ADRA1D: variants seen among roughly 807,000 people sequenced by gnomAD.
The protein encoded by ADRA1D is adrenoceptor alpha 1D.
A neutral mutation model predicts 18.6 loss-of-function variants in ADRA1D; 22 were observed. That is an observed-to-expected ratio of 1.19 (90% CI 0.85 to 1.69). The LOEUF (loss-of-function observed/expected upper bound fraction) is 1.69. Among genes scored for constraint, ADRA1D ranks in the 40% most tolerant of loss-of-function variants. The pLI, the probability that ADRA1D is intolerant of heterozygous loss-of-function variation, is 0.00. For synonymous variants in ADRA1D, 376 were observed against 388.2 expected, an observed-to-expected ratio of 0.97 and a Z score of 0.37; for missense variants, 840 against 840.7, an observed-to-expected ratio of 1.00 and a Z score of 0.01.
chr20:4,248,889 G>C lies in ADRA1D; in HGVS notation c.69C>G (p.Ser23=). The C allele has an allele frequency of 8.4e-7, 1 of 1,189,890 alleles. No homozygotes were observed. The allele number at this position is 1,189,890 out of a possible 1,614,324, so 73.7% of individuals were successfully genotyped here. The change falls in exon 1 of 2, where the codon TCC becomes TCG. Residue 23 remains serine (S), a synonymous_variant. Transcript: ENST00000379453. The part of the protein sequence containing the change: ...GPRPDSSAGG[S]SAGGGGGSAG... ...CGCTGCCCCCGCCGCCGCCCGCGCT[G>C]GAGCCCCCTGCGCTGCTGTCCGGGC...
rs835875 is a variant in ADRA1D, at chr20:4,222,579, C to T, written c.1112-449G>A. ...TGAAGATAAAATAGGATAGAACATA[C>T]GCCCCCGCCTCCCTGCCACATCTCC... On this transcript the variant is annotated intron_variant, in intron 1 of 1. Coordinates refer to ENST00000379453, the MANE Select transcript of ADRA1D (RefSeq NM_000678.4). The surrounding 1 kb of genome is among the most constrained non-coding windows in gnomAD (Gnocchi z 4.3). Among the ~76,000 whole-genome samples, 74,307 of 151,518 alleles carry T rather than the reference C, an allele frequency of 0.49. 18,335 individuals carry two copies. The highest frequency in any genetic ancestry group is 0.65 in the East Asian group (3,348 of 5,114).
At chr20:4,228,203 T>C (rs1457319586) in intron 1 of ADRA1D, among the ~76,000 whole-genome samples, 1 of 152,154 alleles carries the variant, frequency 6.6e-6, no homozygotes, top group Non-Finnish European at 1.5e-5. Flanking sequence ...TCCTTCTGGA[T>C]GTAGGGAGAC....
At chr20:4,232,389 C>T (rs191338833) in intron 1 of ADRA1D, among the ~76,000 whole-genome samples, 4 of 152,288 alleles carry the variant, frequency 2.6e-5, no homozygotes, top group African/African-American at 4.8e-5. Context: ...CTGGAGTGTG[C>T]GTGCTCGGAG....
At chr20:4,227,080 G>T (rs1468906309) in intron 1 of ADRA1D, among the ~76,000 whole-genome samples, 2 of 152,228 alleles carry the variant, frequency 1.3e-5, no homozygotes, top group African/African-American at 4.8e-5. Context: ...GTGAAATGGG[G>T]AACTGCCCCA....
At chr20:4,232,594 A>G (rs1980996667) in intron 1 of ADRA1D, among the ~76,000 whole-genome samples, 1 of 152,148 alleles carries the variant, frequency 6.6e-6, no homozygotes, top group Non-Finnish European at 1.5e-5. Flanking sequence ...AACCCTAAAG[A>G]GCTGCTTGGC....
Position 4,222,173 on chromosome 20 carries a change from G to C in ADRA1D, c.1112-43C>G, listed in dbSNP as rs1220019709. 4.4e-6 allele frequency: 7 copies of C among 1,587,420 alleles called. No individual in the cohort carries two copies. Among genetic ancestry groups the C allele is most frequent in the Non-Finnish European group, 6.0e-6 (7 of 1,165,920 alleles). On this transcript the variant is annotated intron_variant, in intron 1 of 1. Coordinates refer to ENST00000379453, the MANE Select transcript of ADRA1D (RefSeq NM_000678.4). The surrounding 1 kb of genome is among the most constrained non-coding windows in gnomAD (Gnocchi z 4.3). ...CGATACTATTTAGCTGCTTGGGGAG[G>C]GGGAGGCCAGGCGGCTCTGGGCGCA... is the stretch of plus-strand genomic sequence containing the variant.
intron 1 of ADRA1D, among the ~76,000 whole-genome samples, chr20:4,244,704 T>C (rs1248986644): frequency 6.6e-6 from 1 of 152,232 alleles, no homozygotes; most frequent in Non-Finnish European, 1.5e-5. Flanking sequence ...CAGGACCTCC[T>C]GGCCCCCTCT....
At chr20:4,241,081 C>T (rs976898954) in intron 1 of ADRA1D, among the ~76,000 whole-genome samples, 2 of 152,050 alleles carry the variant, frequency 1.3e-5, no homozygotes, top group East Asian at 3.9e-4. Context: ...TCACCCCCAA[C>T]CCACAACAAG....
intron 1 of ADRA1D, among the ~76,000 whole-genome samples, chr20:4,244,114 G>A (rs567967604): frequency 2.6e-5 from 4 of 152,242 alleles, no homozygotes; most frequent in East Asian, 3.9e-4. Flanking sequence ...CTGGAACTCC[G>A]GGCCCTTCCC....
At position 4,248,249 on chromosome 20, in the gene ADRA1D, C is replaced by A; in HGVS notation, c.709G>T (p.Glu237Ter). Residue 237 changes from glutamate to a stop codon, truncating the protein, a stop_gained, in exon 1 of 2, where the codon GAG becomes TAG. Transcript: ENST00000379453. LOFTEE classifies it high-confidence loss of function. ...AAGCGCTCGTCAGGGGGCACGGGCTCCTTCCAGCCCAGCAGGGGCCCTACG... is the reference window on the plus strand; with the variant it reads ...AAGCGCTCGTCAGGGGGCACGGGCTACTTCCAGCCCAGCAGGGGCCCTACG... Reference protein sequence around the residue: ...VSVGPLLGWKEPVPPDERFCG... With the variant: ...VSVGPLLGWK 1 of 1,607,138 alleles carries A rather than the reference C, an allele frequency of 6.2e-7. No individual in the cohort carries two copies. Among genetic ancestry groups the A allele is most frequent in the East Asian group, 2.2e-5 (1 of 44,608 alleles).
chr20:4,226,226 C>G (rs1023153129), intron 1 of ADRA1D, among the ~76,000 whole-genome samples: 1 of 152,254 alleles, frequency 6.6e-6, no homozygotes, highest in Non-Finnish European at 1.5e-5. Flanking sequence ...AACCTGAAGT[C>G]TGCTGTGAGC....
At chr20:4,228,510 C>T (rs756843813) in intron 1 of ADRA1D, among the ~76,000 whole-genome samples, 15 of 152,240 alleles carry the variant, frequency 9.9e-5, no homozygotes, top group Non-Finnish European at 1.6e-4. Flanking sequence ...TATGAGGCAC[C>T]TACTACGTGC....
rs1176274877 is a variant in ADRA1D, at chr20:4,221,736, C to T, written c.1506G>A (p.Pro502=). The T allele has an allele frequency of 1.2e-6, 2 of 1,605,166 alleles. No homozygotes were observed. The highest frequency in any genetic ancestry group is 1.7e-6 in the Non-Finnish European group (2 of 1,178,164). Residue 502 remains proline, a synonymous_variant, in exon 2 of 2, where the codon CCG becomes CCA. Transcript: ENST00000379453. ...GCAGCTGGGTCGTGGGTCTCCGGAA[C>T]GGCCCCAGCAGCCTCCACTCGCGGA... is the stretch of plus-strand genomic sequence containing the variant. The part of the protein sequence containing the change: ...SAFREWRLLG[P]FRRPTTQLRA...
intron 1 of ADRA1D, among the ~76,000 whole-genome samples, chr20:4,224,509 C>T (rs540814710): frequency 2.0e-5 from 3 of 152,264 alleles, no homozygotes; most frequent in South Asian, 2.1e-4. Flanking sequence ...CAACCTCACT[C>T]ACCCTCAGCA....
intron 1 of ADRA1D, among the ~76,000 whole-genome samples, chr20:4,228,780 G>C (rs1980880383): frequency 6.6e-6 from 1 of 152,204 alleles, no homozygotes; most frequent in Admixed American, 6.5e-5. Flanking sequence ...CCCAAGGTTA[G>C]TGTCCCTACT....
chr20:4,234,559 C>A (rs185435738), intron 1 of ADRA1D, among the ~76,000 whole-genome samples: 1 of 152,206 alleles, frequency 6.6e-6, no homozygotes, highest in Non-Finnish European at 1.5e-5. Context: ...TCAGTCTCCT[C>A]CCACCCTGCC....
At position 4,221,812 on chromosome 20, in the gene ADRA1D, G is replaced by C. The variant is rs552666380; in HGVS notation, c.1430C>G (p.Thr477Arg). Residue 477 changes from threonine to arginine, a missense_variant, in exon 2 of 2, where the codon ACG becomes AGG. By Grantham distance (71) the Thr-to-Arg change is moderately conservative. Coordinates refer to ENST00000379453, the MANE Select transcript of ADRA1D (RefSeq NM_000678.4). ...GGCGACCGGAGCCTGCATCTCGGGC[G>C]TGCCTGGGGGTTCGGGGTCGGGGTC... ...LPDPDPEPPG[T>R]PEMQAPVASR... The C allele has an allele frequency of 3.0e-5, 47 of 1,542,764 alleles. No homozygotes were observed. In the African/African-American group the frequency reaches 5.7e-4, roughly 19 times the overall value.
chr20:4,223,547 T>G (rs183557814), intron 1 of ADRA1D, among the ~76,000 whole-genome samples: 23 of 152,178 alleles, frequency 1.5e-4, no homozygotes, highest in Admixed American at 7.2e-4. Context: ...TAAATATCTT[T>G]GAGATGCAGG....
In ADRA1D at chr20:4,221,497, C is replaced by T. The variant is rs1980660546; in HGVS notation, c.*26G>A. ...GTCCCCCTTACCCCCAAGCCCAGCA[C>T]ACTCCGCGGCCTAGCTCTGGGGTCC... On this transcript the variant is annotated 3_prime_UTR_variant, in exon 2 of 2. Transcript: ENST00000379453. 1.3e-6 allele frequency: 2 copies of T among 1,585,434 alleles called. No homozygotes were observed. The highest frequency in any genetic ancestry group is 1.7e-6 in the Non-Finnish European group (2 of 1,160,968).
Sources: allele counts gnomAD v4.1 joint callset (sites outside exome capture counted in the v4.1 genomes callset), GRCh38; gene constraint gnomAD v4.1.1; non-coding constraint Gnocchi (gnomAD v3.1); transcripts MANE v1.5; gene names NCBI Gene and HGNC (gene_info 2026-07-23, HGNC 2026-07-21).